Variants in AFF3 observed in about 807,000 individuals in gnomAD.
The protein encoded by AFF3 is AF4/FMR2 family member 3.
A neutral mutation model predicts 129.7 loss-of-function variants in AFF3; 32 were observed. That is an observed-to-expected ratio of 0.25 (90% CI 0.19 to 0.33). The LOEUF (loss-of-function observed/expected upper bound fraction) is 0.33, where lower values mean the gene tolerates loss of function less well. AFF3 is among the 10% of genes least tolerant of loss of function. The pLI is 1.00. For synonymous variants in AFF3, 644 were observed against 635.4 expected, an observed-to-expected ratio of 1.01 and a Z score of -0.20; for missense variants, 1,373 against 1,592.0, an observed-to-expected ratio of 0.86 and a Z score of 2.34.
Position 99,860,473 on chromosome 2 carries a change from GA to G in AFF3, c.874-22950del, listed in dbSNP as rs1470369128. On this transcript the variant is annotated intron_variant, in intron 7 of 24. Transcript: ENST00000672756. Reference sequence around the variant, plus strand: ...GGAGGCTGAGGCAGGAGAATAGGGTGAACCTGGGAGGCAGAGCTTGCAGTGA... The same window carrying G: ...GGAGGCTGAGGCAGGAGAATAGGGTGACCTGGGAGGCAGAGCTTGCAGTGA... Among the ~76,000 whole-genome samples, 5 of 152,248 alleles carry G rather than the reference GA, an allele frequency of 3.3e-5. No individual in the cohort carries two copies. The South Asian group carries it at 1.0e-3, about 32-fold the overall frequency.
At chr2:100,007,636 AC>A in intron 5 of AFF3, 176 bp from the exon 6 acceptor site, 1 of 646,082 alleles carries the variant, frequency 1.5e-6, no homozygotes, top group Non-Finnish European at 2.7e-6. Context: ...TTGGTGATGC[AC>A]CAGAACAGGA....
chr2:99,631,599 C>T (rs908549434), intron 13 of AFF3, among the ~76,000 whole-genome samples: 1 of 152,210 alleles, frequency 6.6e-6, no homozygotes, highest in Non-Finnish European at 1.5e-5. Context: ...TGGAATCATA[C>T]AATATCTGTC....
At chr2:99,652,140 A>T (rs939774143) in intron 12 of AFF3, among the ~76,000 whole-genome samples, 3 of 152,166 alleles carry the variant, frequency 2.0e-5, no homozygotes, top group African/African-American at 7.2e-5. Context: ...CAGTCAGGAA[A>T]GCCTTCCCTC....
chr2:100,118,031 C>T (rs1691796472), intron 2 of AFF3, among the ~76,000 whole-genome samples: 1 of 152,200 alleles, frequency 6.6e-6, no homozygotes, highest in South Asian at 2.1e-4. Flanking sequence ...TCTTCCACCA[C>T]CTCCAAAACC....
intron 7 of AFF3, among the ~76,000 whole-genome samples, chr2:99,994,840 T>C (rs1172710077): frequency 6.6e-6 from 1 of 152,118 alleles, no homozygotes; most frequent in Admixed American, 6.5e-5. Context: ...TTTGAACCAG[T>C]GAAAGTAGGG....
At chr2:99,591,576 G>C (rs1678686443) in intron 15 of AFF3, among the ~76,000 whole-genome samples, 1 of 152,168 alleles carries the variant, frequency 6.6e-6, no homozygotes, top group Non-Finnish European at 1.5e-5. Context: ...CCTTCTCCAT[G>C]CGCACTTACA....
chr2:100,087,348 T>C (rs1689525401), intron 4 of AFF3, among the ~76,000 whole-genome samples: 1 of 152,212 alleles, frequency 6.6e-6, no homozygotes, highest in African/African-American at 2.4e-5. Flanking sequence ...ATTTTATTTC[T>C]TCCTTATAAT....
intron 7 of AFF3, among the ~76,000 whole-genome samples, chr2:99,922,366 G>T (rs549765609): frequency 6.6e-6 from 1 of 152,232 alleles, no homozygotes; most frequent in Non-Finnish European, 1.5e-5. Context: ...TATTTATATA[G>T]AAGATTACTA....
At chr2:99,693,586 T>C (rs761837869) in intron 11 of AFF3, among the ~76,000 whole-genome samples, 1 of 152,160 alleles carries the variant, frequency 6.6e-6, no homozygotes, top group African/African-American at 2.4e-5. Context: ...TCCTGGATAC[T>C]GCAATTTGTA....
intron 12 of AFF3, among the ~76,000 whole-genome samples, chr2:99,653,818 T>C (rs371092369): frequency 1.2e-3 from 176 of 151,996 alleles, no homozygotes; most frequent in African/African-American, 4.2e-3. Flanking sequence ...ACATGATGTA[T>C]GCTACCACGC....
intron 4 of AFF3, among the ~76,000 whole-genome samples, chr2:100,028,320 G>A (rs550278665): frequency 3.3e-5 from 5 of 152,096 alleles, no homozygotes; most frequent in Admixed American, 6.5e-5. Context: ...AAAGAAAACT[G>A]TCAGAAATGC....
intron 4 of AFF3, among the ~76,000 whole-genome samples, chr2:100,016,884 G>A (rs944457733): frequency 3.3e-5 from 5 of 151,294 alleles, no homozygotes; most frequent in Admixed American, 3.3e-4. Context: ...GGTACTGATG[G>A]TGATGGTGGT....
At chr2:99,595,997 G>A (rs1331684715) in intron 14 of AFF3, among the ~76,000 whole-genome samples, 2 of 152,332 alleles carry the variant, frequency 1.3e-5, no homozygotes, top group Admixed American at 6.5e-5. Context: ...GAGGATGAAG[G>A]CCCCTTCCCT....
intron 2 of AFF3, among the ~76,000 whole-genome samples, chr2:100,108,060 C>T (rs1276555070): frequency 6.6e-6 from 1 of 152,168 alleles, no homozygotes; most frequent in Non-Finnish European, 1.5e-5. Flanking sequence ...TCAGCCCCTA[C>T]AGCATCTCCT....
chr2:100,069,196 G>T (rs1411428267), intron 4 of AFF3, among the ~76,000 whole-genome samples: 1 of 151,912 alleles, frequency 6.6e-6, no homozygotes, highest in Non-Finnish European at 1.5e-5. Context: ...TTTTTTAACT[G>T]TGTGATACTG....
intron 4 of AFF3, among the ~76,000 whole-genome samples, chr2:100,049,285 T>C (rs1686092594): frequency 6.6e-6 from 1 of 152,152 alleles, no homozygotes; most frequent in Non-Finnish European, 1.5e-5. Flanking sequence ...TCTGTCTTGA[T>C]GGGATATTCT....
rs980754725 is a variant in AFF3, at chr2:99,961,425, G to T, written c.873+45207C>A. Among the ~76,000 whole-genome samples, 7 of 152,218 alleles carry T rather than the reference G, an allele frequency of 4.6e-5. No individual in the cohort carries two copies. In the South Asian group the frequency reaches 8.3e-4, roughly 18 times the overall value. On this transcript the variant is annotated intron_variant, in intron 7 of 24. Coordinates refer to ENST00000672756, the MANE Select transcript of AFF3 (RefSeq NM_001386135.1). ...TGTTTCTTGCCCATATCACTCACTT[G>T]GCAATTAATCACATTTTGCCTTGAG... is the stretch of plus-strand genomic sequence containing the variant.
chr2:99,965,832 G>C (rs1677689589), intron 7 of AFF3, among the ~76,000 whole-genome samples: 1 of 152,132 alleles, frequency 6.6e-6, no homozygotes, highest in Non-Finnish European at 1.5e-5. Context: ...CATTCTTTCT[G>C]TTTTGTGGTC....
At chr2:99,762,018 A>G (rs1682646567) in intron 8 of AFF3, among the ~76,000 whole-genome samples, 1 of 150,966 alleles carries the variant, frequency 6.6e-6, no homozygotes, top group Non-Finnish European at 1.5e-5. Flanking sequence ...ACGTTATTCC[A>G]TCTCACTTAC....
Sources: allele counts gnomAD v4.1 joint callset (sites outside exome capture counted in the v4.1 genomes callset), GRCh38; gene constraint gnomAD v4.1.1; transcripts MANE v1.5; gene names NCBI Gene and HGNC (gene_info 2026-07-23, HGNC 2026-07-21).